The following MAX variants were observed in gnomAD, a reference collection of about 807,000 sequenced individuals.
MAX encodes the protein MYC associated transcriptional regulator X, also known as protein max.
A neutral mutation model predicts 22.3 loss-of-function variants in MAX; 3 were observed. The observed-to-expected ratio is 0.13, with a 90% CI of 0.06 to 0.35. The LOEUF (loss-of-function observed/expected upper bound fraction) is 0.35, where lower values mean the gene tolerates loss of function less well. Ranked by LOEUF, MAX falls within the 10% of genes least tolerant of loss-of-function variation. The pLI is 1.00. For synonymous variants in MAX, 72 were observed against 77.7 expected (o/e 0.93, Z 0.39); for missense variants, 119 against 209.4 (o/e 0.57, Z 2.66).
Position 65,047,145 on chromosome 14 carries a change from A to G in MAX, c.172-40861T>C, listed in dbSNP as rs1595087092. On this transcript the variant is annotated intron_variant, in intron 3 of 3. Transcript: ENST00000341653. The surrounding 1 kb of genome is among the most constrained non-coding windows in gnomAD (Gnocchi z 5.2). ...TACTTTTTCTACTACAACTGCCACT[A>G]CTACTGGTAGCGGAGTCTTCCCAAG... Among the ~76,000 whole-genome samples, 1 of 152,248 alleles carries G rather than the reference A, an allele frequency of 6.6e-6. No homozygotes were observed. Among genetic ancestry groups the G allele is most frequent in the Non-Finnish European group, 1.5e-5 (1 of 68,046 alleles).
chr14:65,039,805 A>G (rs1441636450), intron 3 of MAX, among the ~76,000 whole-genome samples: 1 of 152,194 alleles, frequency 6.6e-6, no homozygotes, highest in Non-Finnish European at 1.5e-5. Context: ...AATAACGTTT[A>G]TTTTTTAATA....
chr14:65,075,119 C>A (rs987912638), downstream of MAX: 3 of 1,015,390 alleles, frequency 3.0e-6, no homozygotes, highest in African/African-American at 5.2e-5. This position sits in a 1 kb window ranked among gnomAD's most constrained non-coding sequence, Gnocchi z 4.1. Context: ...GAAGACACCA[C>A]CACCAAGAAG....
rs758913430 is a variant in MAX, at chr14:65,009,158, C to T, written c.172-2874G>A. On this transcript the variant is annotated intron_variant, in intron 3 of 3. Coordinates refer to the MAX transcript ENST00000341653. This position sits in a 1 kb window ranked among gnomAD's most constrained non-coding sequence, Gnocchi z 4.2. The stretch of plus-strand genomic sequence containing the variant: ...TAGAGGTGAGTTGAGAATGAAGGAC[C>T]GGTGAGGGTATTAGTCAGCTTGGGC... Among the ~76,000 whole-genome samples the T allele has an allele frequency of 2.0e-5, 3 of 152,204 alleles. No homozygotes were observed. Among genetic ancestry groups the T allele is most frequent in the Non-Finnish European group, 2.9e-5 (2 of 67,998 alleles).
downstream of MAX, among the ~76,000 whole-genome samples, chr14:65,074,961 G>A (rs1195045211): frequency 1.3e-5 from 2 of 152,272 alleles, no homozygotes; most frequent in Middle Eastern, 3.4e-3. Flanking sequence ...AGGCTGAGCT[G>A]AGAAAGGGGA....
At chr14:65,070,957 T>C (rs1223885589), downstream of MAX, among the ~76,000 whole-genome samples, 1 of 152,244 alleles carries the variant, frequency 6.6e-6, no homozygotes, top group Non-Finnish European at 1.5e-5. The surrounding 1 kb of genome is among the most constrained non-coding windows in gnomAD (Gnocchi z 4.4). Context: ...TGCAAGGGTA[T>C]ATTTCATTCC....
intron 3 of MAX, among the ~76,000 whole-genome samples, chr14:65,086,568 C>T (rs769302760): frequency 2.6e-5 from 4 of 152,184 alleles, no homozygotes; most frequent in Admixed American, 6.5e-5. Context: ...TTTGCCCCTA[C>T]GCTAGAGATA....
rs2062105804 is a variant in MAX, at chr14:65,032,513, G to A, written c.172-26229C>T. ...AGAGTGAGGACAGGAGGTGATTACAGCTTACTAGGCAAGGCGAGCAGTCCG... is the reference window on the plus strand; with the variant it reads ...AGAGTGAGGACAGGAGGTGATTACAACTTACTAGGCAAGGCGAGCAGTCCG... On this transcript the variant is annotated intron_variant, in intron 3 of 3. Coordinates refer to the MAX transcript ENST00000341653. The surrounding 1 kb of genome is among the most constrained non-coding windows in gnomAD (Gnocchi z 5.0). 7.4e-7 allele frequency: 1 copy of A among 1,352,226 alleles called. No homozygotes were observed. The highest frequency in any genetic ancestry group is 1.0e-6 in the Non-Finnish European group (1 of 997,232). 83.8% of individuals were successfully genotyped at this position (1,352,226 alleles called of 1,614,324 possible).
intron 3 of MAX, among the ~76,000 whole-genome samples, chr14:65,033,504 A>G (rs368885822): frequency 6.6e-6 from 1 of 152,210 alleles, no homozygotes; most frequent in Non-Finnish European, 1.5e-5. Flanking sequence ...GGTCTTAGAT[A>G]CGTGTATGTT....
Position 65,047,978 on chromosome 14 carries a change from ATTTTTTTT to A in MAX, c.172-41702_172-41695del, listed in dbSNP as rs34879850. Among the ~76,000 whole-genome samples, 17 of 64,148 alleles carry A rather than the reference ATTTTTTTT, an allele frequency of 2.7e-4. No individual in the cohort carries two copies. The highest frequency in any genetic ancestry group is 1.5e-3 in the East Asian group (3 of 1,956). 42.1% of individuals were successfully genotyped at this position (64,148 alleles called of 152,430 possible). On this transcript the variant is annotated intron_variant, in intron 3 of 3. Coordinates refer to the MAX transcript ENST00000341653. The surrounding 1 kb of genome is among the most constrained non-coding windows in gnomAD (Gnocchi z 5.2). ...AGACAGAAGGAGGGAGACTTTTTAG[ATTTTTTTT>A]TTTTTTTTTTTTTTTTTTTGAGACA...
Position 65,012,233 on chromosome 14 carries a change from C to A in MAX, c.172-5949G>T. On this transcript the variant is annotated intron_variant, in intron 3 of 3. Transcript: ENST00000341653. This position sits in a 1 kb window ranked among gnomAD's most constrained non-coding sequence, Gnocchi z 5.0. ...GGGACGTCCTGAAGCTGAGTGTTTA[C>A]CCGTGTGTGTGTACGTGCACATACG... The A allele has an allele frequency of 6.4e-7, 1 of 1,551,952 alleles. No homozygotes were observed. The highest frequency in any genetic ancestry group is 1.1e-5 in the South Asian group (1 of 88,630).
intron 3 of MAX, chr14:65,021,877 C>A: frequency 2.2e-6 from 1 of 454,286 alleles, no homozygotes; most frequent in Non-Finnish European, 4.4e-6. Context: ...AACTCCTGGC[C>A]TTAAGTGATC....
rs111891141 is a variant in MAX at position 65,022,206 on chromosome 14, C to T, written c.172-15922G>A. On this transcript the variant is annotated intron_variant, in intron 3 of 3. Coordinates refer to the MAX transcript ENST00000341653. ...CTTGATGTGATGCCAGCTCATGCAT[C>T]TTGCATTTACATCCCCTCCTAAGCC... 2,116 of 384,988 alleles carry T rather than the reference C, an allele frequency of 5.5e-3. 37 individuals carry two copies. The highest frequency in any genetic ancestry group is 0.019 in the African/African-American group (933 of 48,270). 23.8% of individuals were successfully genotyped at this position (384,988 alleles called of 1,614,324 possible).
intron 2 of MAX, among the ~76,000 whole-genome samples, chr14:65,100,401 G>C (rs1222767646): frequency 6.6e-6 from 1 of 152,188 alleles, no homozygotes; most frequent in Admixed American, 6.5e-5. Flanking sequence ...AGTAAGCCGA[G>C]ATAGCGCCAT....
chr14:65,085,464 C>A (rs8010213), intron 3 of MAX, among the ~76,000 whole-genome samples: 1 of 151,930 alleles, frequency 6.6e-6, no homozygotes, highest in Non-Finnish European at 1.5e-5. Context: ...TCTCAAGATG[C>A]GAAAAATGTT....
rs2062005443 is a variant in MAX at position 65,027,512 on chromosome 14, G to C, written c.172-21228C>G. The stretch of plus-strand genomic sequence containing the variant: ...GAAGGTGGCTTTGGAGGAGGACCCG[G>C]TCAGTATCCACACCTTGCACCCACA... On this transcript the variant is annotated intron_variant, in intron 3 of 3. Coordinates refer to the MAX transcript ENST00000341653. This position sits in a 1 kb window ranked among gnomAD's most constrained non-coding sequence, Gnocchi z 5.7. The C allele has an allele frequency of 6.2e-7, 1 of 1,614,176 alleles. No individual in the cohort carries two copies. The highest frequency in any genetic ancestry group is 1.1e-5 in the South Asian group (1 of 91,088).
At chr14:65,025,732 T>A (rs552168183) in intron 3 of MAX, among the ~76,000 whole-genome samples, 2 of 152,258 alleles carry the variant, frequency 1.3e-5, no homozygotes, top group South Asian at 4.2e-4. Context: ...GGAGGATAGC[T>A]TGAGTCTGGG....
intron 3 of MAX, among the ~76,000 whole-genome samples, chr14:65,037,759 TA>T (rs1252746618): frequency 7.2e-6 from 1 of 138,288 alleles, no homozygotes; most frequent in Non-Finnish European, 1.5e-5. Context: ...TTTATTTATT[TA>T]TTTATTTATT....
At chr14:65,065,870 A>T (rs916115959) in intron 3 of MAX, among the ~76,000 whole-genome samples, 21 of 152,186 alleles carry the variant, frequency 1.4e-4, no homozygotes, top group African/African-American at 4.8e-4. Flanking sequence ...AAGGTGGGTG[A>T]AGCAGGCGTA....
intron 2 of MAX, among the ~76,000 whole-genome samples, chr14:65,098,798 A>T (rs1401220929): frequency 2.0e-5 from 3 of 152,226 alleles, no homozygotes; most frequent in Non-Finnish European, 4.4e-5. Flanking sequence ...CTGAAGCAAT[A>T]GAAAAAAATA....
Sources: allele counts gnomAD v4.1 joint callset (sites outside exome capture counted in the v4.1 genomes callset), GRCh38; gene constraint gnomAD v4.1.1; non-coding constraint Gnocchi (gnomAD v3.1); transcripts MANE v1.5; gene names NCBI Gene and HGNC (gene_info 2026-07-23, HGNC 2026-07-21).